The following RGSL1 variants were observed in gnomAD, a reference collection of about 807,000 sequenced individuals.
The protein encoded by RGSL1 is regulator of G protein signaling protein-like.
In RGSL1, 97 loss-of-function variants were observed where a neutral mutation model predicts 124.7. The ratio of observed to expected loss-of-function variants is 0.78; its 90% CI spans 0.66 to 0.92. The LOEUF (loss-of-function observed/expected upper bound fraction) is 0.92. Ranked by LOEUF, RGSL1 falls within the 40% of genes least tolerant of loss-of-function variation. The pLI, the probability that RGSL1 is intolerant of heterozygous loss-of-function variation, is 0.00. For missense variants in RGSL1, 1,233 were observed against 1,288.4 expected (o/e 0.96, Z 0.66); for synonymous variants, 424 against 438.1 (o/e 0.97, Z 0.40).
chr1:182,546,057 C>T (rs980543058), intron 15 of RGSL1, among the ~76,000 whole-genome samples: 1 of 152,086 alleles, frequency 6.6e-6, no homozygotes, highest in Non-Finnish European at 1.5e-5. Flanking sequence ...TTTAGATTTG[C>T]TCTTTTGAAG....
At chr1:182,530,538 TACACACAC>T (rs34247322) in intron 12 of RGSL1, among the ~76,000 whole-genome samples, 177 bp downstream of exon 12, 1 of 149,140 alleles carries the variant, frequency 6.7e-6, no homozygotes, top group Non-Finnish European at 1.5e-5. Context: ...CACACACACA[TACACACAC>T]ACACACACAC....
chr1:182,530,689 A>G, intron 12 of RGSL1, 101 bp from the exon 13 acceptor site: 1 of 1,313,894 alleles, frequency 7.6e-7, no homozygotes, highest in Non-Finnish European at 1.0e-6. Context: ...CCCAATTACC[A>G]CTGAGAGTTC....
At position 182,529,505 on chromosome 1, in the gene RGSL1, A is replaced by G. The variant is rs528487202; in HGVS notation, c.2126-739A>G. Among the ~76,000 whole-genome samples the G allele has an allele frequency of 6.6e-5, 10 of 152,322 alleles. No homozygotes were observed. The East Asian group carries it at 1.9e-3, about 29-fold the overall frequency. ...TTTGTTTCCTAAGGTGGGAGGGTAAATATGGTAAATAAAATCTTGGCCAAA... is the reference window on the plus strand; with the variant it reads ...TTTGTTTCCTAAGGTGGGAGGGTAAGTATGGTAAATAAAATCTTGGCCAAA... On this transcript the variant is annotated intron_variant, in intron 11 of 21. Transcript: ENST00000294854.
intron 9 of RGSL1, among the ~76,000 whole-genome samples, chr1:182,514,553 A>G (rs1657715464): frequency 6.6e-6 from 1 of 152,140 alleles, no homozygotes. Flanking sequence ...AAACCTCTAT[A>G]TATCTGTCGG....
chr1:182,538,968 A>C (rs1331773778), intron 14 of RGSL1, among the ~76,000 whole-genome samples: 2 of 152,234 alleles, frequency 1.3e-5, no homozygotes, highest in Non-Finnish European at 2.9e-5. Flanking sequence ...TTGGATGTGG[A>C]AAGAGGAAGA....
At chr1:182,528,335 C>T (rs935080682) in intron 11 of RGSL1, among the ~76,000 whole-genome samples, 9 of 152,116 alleles carry the variant, frequency 5.9e-5, no homozygotes, top group African/African-American at 1.4e-4. Flanking sequence ...CACTCCACTC[C>T]GGCCCCTCCC....
At chr1:182,481,323 C>T (rs1654691140) in intron 6 of RGSL1, among the ~76,000 whole-genome samples, 1 of 152,030 alleles carries the variant, frequency 6.6e-6, no homozygotes, top group Admixed American at 6.5e-5. Flanking sequence ...AATAATTATA[C>T]ACCAACAAAT....
chr1:182,528,582 A>T (rs533356280), intron 11 of RGSL1, among the ~76,000 whole-genome samples: 2 of 152,318 alleles, frequency 1.3e-5, no homozygotes, highest in South Asian at 4.1e-4. Context: ...CGAAGAAAGG[A>T]GCTCAATTCC....
chr1:182,474,179 A>C lies in RGSL1; in HGVS notation c.1068A>C (p.Thr356=). The stretch of plus-strand genomic sequence containing the variant: ...TTGTCAATCACTCCTCCAAGATGAC[A>C]ATTCAGAAGGCCATCAAGCAAAGCT... ...IPIVNHSSKM[T]IQKAIKQSFS... The change falls in exon 6 of 22, where the codon ACA becomes ACC. Residue 356 remains threonine (T), a synonymous_variant. Transcript: ENST00000294854. 1 of 1,552,092 alleles carries C rather than the reference A, an allele frequency of 6.4e-7. No homozygotes were observed. Among genetic ancestry groups the C allele is most frequent in the Non-Finnish European group, 8.7e-7 (1 of 1,147,064 alleles).
intron 9 of RGSL1, among the ~76,000 whole-genome samples, chr1:182,521,246 T>A (rs1658313181): frequency 6.6e-6 from 1 of 152,134 alleles, no homozygotes; most frequent in African/African-American, 2.4e-5. Context: ...ATTTTTAAAT[T>A]TTCTTGTAGA....
chr1:182,480,516 C>T (rs267880), intron 6 of RGSL1, among the ~76,000 whole-genome samples: 11,868 of 150,616 alleles, frequency 0.079, 641 homozygotes, highest in East Asian at 0.26. Flanking sequence ...AGTGCAGTGG[C>T]GCAATCTTGG....
chr1:182,466,855 C>T (rs964469347), intron 4 of RGSL1, among the ~76,000 whole-genome samples: 29 of 152,092 alleles, frequency 1.9e-4, no homozygotes, highest in African/African-American at 7.0e-4. Context: ...TCCAAACAGC[C>T]ATAACAATTT....
intron 21 of RGSL1, among the ~76,000 whole-genome samples, chr1:182,559,172 G>T (rs1016995104): frequency 1.3e-5 from 2 of 151,934 alleles, no homozygotes; most frequent in African/African-American, 2.4e-5. Flanking sequence ...TTCTTACAAC[G>T]CACTCTCCCA....
chr1:182,487,867 A>G (rs1213956092), intron 6 of RGSL1, among the ~76,000 whole-genome samples: 1 of 152,226 alleles, frequency 6.6e-6, no homozygotes, highest in East Asian at 1.9e-4. Flanking sequence ...TTTTAATGTA[A>G]TAAAATGTTA....
intron 9 of RGSL1, among the ~76,000 whole-genome samples, chr1:182,515,553 A>AG (rs3031621): frequency 0.44 from 47,421 of 108,710 alleles, 10,606 homozygotes; most frequent in East Asian, 0.52. Context: ...AAAAAAAAAA[A>AG]GGGGGGGGCG....
At chr1:182,448,458 AAGT>A (rs1282721949), upstream of RGSL1, 1 of 152,168 alleles carries the variant, frequency 6.6e-6, no homozygotes, top group Non-Finnish European at 1.5e-5. Flanking sequence ...TCCTGTCCTC[AAGT>A]GATCCACCCA....
At chr1:182,500,269 C>T (rs753877605) in intron 9 of RGSL1, among the ~76,000 whole-genome samples, 14 of 152,184 alleles carry the variant, frequency 9.2e-5, no homozygotes, top group Non-Finnish European at 1.3e-4. Flanking sequence ...TGAAGAGACT[C>T]TTCTTTCCCC....
chr1:182,448,480 T>A (rs1651607764), upstream of RGSL1: 3 of 152,114 alleles, frequency 2.0e-5, no homozygotes, highest in African/African-American at 7.2e-5. Context: ...CACCTTGGCC[T>A]CCCAAAGTGC....
chr1:182,457,675 C>G (rs1652458164), intron 2 of RGSL1, among the ~76,000 whole-genome samples: 6 of 152,162 alleles, frequency 3.9e-5, no homozygotes, highest in Admixed American at 3.9e-4. Context: ...TTCTGGGACA[C>G]TTTGAAGACA....
Sources: gnomAD v4.1 joint callset for allele counts (sites outside exome capture counted in the v4.1 genomes callset) on GRCh38, gnomAD v4.1.1 for gene constraint, MANE v1.5 for transcripts, NCBI Gene and HGNC (gene_info 2026-07-23, HGNC 2026-07-21) for gene names.